ADAMTS2: variants seen among roughly 807,000 people sequenced by gnomAD.
ADAMTS2 encodes the protein A disintegrin and metalloproteinase with thrombospondin motifs 2.
In ADAMTS2, 50 loss-of-function variants were observed where a neutral mutation model predicts 123.0. That is an observed-to-expected ratio of 0.41 (90% confidence interval 0.32 to 0.51). The LOEUF (loss-of-function observed/expected upper bound fraction) is 0.51. ADAMTS2 is among the 20% of genes least tolerant of loss of function. The probability of loss-of-function intolerance (pLI) is 0.35; values close to 1 mark genes in which losing one functional copy is unlikely to be tolerated. For missense variants in ADAMTS2, 1,494 were observed against 1,705.2 expected (o/e 0.88, Z 2.18); for synonymous variants, 678 against 695.4 (o/e 0.98, Z 0.39).
At chr5:179,195,798 C>G (rs549352288) in intron 4 of ADAMTS2, among the ~76,000 whole-genome samples, 1 of 152,376 alleles carries the variant, frequency 6.6e-6, no homozygotes, top group South Asian at 2.1e-4. Context: ...GCCAGCGGGA[C>G]AAGCGTGAGG....
In ADAMTS2 at chr5:179,135,892, G is replaced by A. The variant is rs200253382; in HGVS notation, c.2085+17C>T. ...ACTTGACACGGTAGCCCCCCGTGCC[G>A]GCCTCTGTGTACTCACCCTGCAGTC... On this transcript the variant is annotated intron_variant, in intron 13 of 21. Coordinates refer to ENST00000251582, the MANE Select transcript of ADAMTS2 (RefSeq NM_014244.5). 4.9e-5 allele frequency: 79 copies of A among 1,612,750 alleles called. No individual in the cohort carries two copies. In the East Asian group the frequency reaches 1.0e-3, roughly 21 times the overall value.
At position 179,181,012 on chromosome 5, in the gene ADAMTS2, C is replaced by T. The variant is rs1042810167; in HGVS notation, c.975+60G>A. Reference sequence around the variant, plus strand: ...ACTCTCCAAGGAGGCCCATGCCTCACTCCCAGGCCCCTCACTCCGAGGGGG... The same window carrying T: ...ACTCTCCAAGGAGGCCCATGCCTCATTCCCAGGCCCCTCACTCCGAGGGGG... On this transcript the variant is annotated intron_variant, in intron 5 of 21. Coordinates refer to ENST00000251582, the MANE Select transcript of ADAMTS2 (RefSeq NM_014244.5). The surrounding 1 kb of genome is among the most constrained non-coding windows in gnomAD (Gnocchi z 4.1). 1.0e-5 allele frequency: 14 copies of T among 1,371,538 alleles called. No homozygotes were observed. The South Asian group carries it at 1.5e-4, about 15-fold the overall frequency. The allele number at this position is 1,371,538 out of a possible 1,614,324, so 85.0% of individuals were successfully genotyped here.
chr5:179,276,735 G>T (rs540955974), intron 2 of ADAMTS2, among the ~76,000 whole-genome samples: 10 of 152,232 alleles, frequency 6.6e-5, no homozygotes, highest in Non-Finnish European at 1.2e-4. Flanking sequence ...ACAGGTCCCT[G>T]GGCCAGACTG....
chr5:179,204,474 T>C (rs111792146), intron 4 of ADAMTS2, among the ~76,000 whole-genome samples: 2 of 152,338 alleles, frequency 1.3e-5, no homozygotes, highest in South Asian at 2.1e-4. Flanking sequence ...CCCCGGTGGC[T>C]ACTGCCCCAG....
chr5:179,268,687 AAGAG>A (rs1398455200), intron 3 of ADAMTS2, among the ~76,000 whole-genome samples: 2 of 152,136 alleles, frequency 1.3e-5, no homozygotes, highest in African/African-American at 4.8e-5. Flanking sequence ...ACATGCAGGG[AAGAG>A]CTCCCACACG....
At chr5:179,223,455 C>A (rs536575528) in intron 3 of ADAMTS2, among the ~76,000 whole-genome samples, 1 of 148,548 alleles carries the variant, frequency 6.7e-6, no homozygotes, top group East Asian at 1.9e-4. Context: ...CACACGCACA[C>A]TCACACACGA....
intron 2 of ADAMTS2, among the ~76,000 whole-genome samples, chr5:179,313,252 G>C (rs1756880851): frequency 7.9e-6 from 1 of 126,684 alleles, no homozygotes; most frequent in African/African-American, 3.0e-5. Flanking sequence ...GGCCAGAGCA[G>C]GGGTGTCAGC....
At chr5:179,291,865 T>C (rs1381325686) in intron 2 of ADAMTS2, among the ~76,000 whole-genome samples, 1 of 150,460 alleles carries the variant, frequency 6.6e-6, no homozygotes, top group Non-Finnish European at 1.5e-5. Flanking sequence ...GCCTCCCAAG[T>C]AGCTGGGACC....
At chr5:179,218,712 G>T (rs995003863) in intron 3 of ADAMTS2, among the ~76,000 whole-genome samples, 1 of 152,218 alleles carries the variant, frequency 6.6e-6, no homozygotes, top group African/African-American at 2.4e-5. Flanking sequence ...GAATCTCAGG[G>T]GCAGTCCTGA....
chr5:179,140,981 T>A (rs1304157372), intron 10 of ADAMTS2, among the ~76,000 whole-genome samples: 1 of 151,592 alleles, frequency 6.6e-6, no homozygotes, highest in Non-Finnish European at 1.5e-5. Context: ...TGCATTTTTT[T>A]TTTTTTTATT....
rs1757039450 is a variant in ADAMTS2 at position 179,317,634 on chromosome 5, G to A, written c.534+26133C>T. On this transcript the variant is annotated intron_variant, in intron 2 of 21. Coordinates refer to ENST00000251582, the MANE Select transcript of ADAMTS2 (RefSeq NM_014244.5). This position sits in a 1 kb window ranked among gnomAD's most constrained non-coding sequence, Gnocchi z 4.9. The stretch of plus-strand genomic sequence containing the variant: ...ATCTATGTCCCCCGGATGGCCAGCG[G>A]GCACAGAGCATATGTGTGCTGAGGG... 6.6e-6 allele frequency among the ~76,000 whole-genome samples: 1 copy of A among 152,150 alleles called. No individual in the cohort carries two copies. The highest frequency in any genetic ancestry group is 2.4e-5 in the African/African-American group (1 of 41,440).
rs191798215 is a variant in ADAMTS2, at chr5:179,162,858, G to A, written c.976-3979C>T. 5.3e-5 allele frequency among the ~76,000 whole-genome samples: 8 copies of A among 152,344 alleles called. No homozygotes were observed. Among genetic ancestry groups the A allele is most frequent in the Admixed American group, 3.3e-4 (5 of 15,304 alleles). On this transcript the variant is annotated intron_variant, in intron 5 of 21. Coordinates refer to ENST00000251582, the MANE Select transcript of ADAMTS2 (RefSeq NM_014244.5). This position sits in a 1 kb window ranked among gnomAD's most constrained non-coding sequence, Gnocchi z 5.1. ...TTGCAGCGAAGAGAATCTGAGCCAC[G>A]TGCTTCCTCCTTTGGGGGACCACAG...
At position 179,336,593 on chromosome 5, in the gene ADAMTS2, ATGGTG is replaced by A. The variant is rs1293429847; in HGVS notation, c.534+7169_534+7173del. The stretch of plus-strand genomic sequence containing the variant: ...CTCTTTCTTGGTGGCGTATAAAGTA[ATGGTG>A]TGTCCCGTAACCGATGGCACCTTAG... On this transcript the variant is annotated intron_variant, in intron 2 of 21. Coordinates refer to ENST00000251582, the MANE Select transcript of ADAMTS2 (RefSeq NM_014244.5). 3.9e-5 allele frequency among the ~76,000 whole-genome samples: 6 copies of A among 152,082 alleles called. No individual in the cohort carries two copies. In the South Asian group the frequency reaches 1.0e-3, roughly 26 times the overall value.
chr5:179,168,483 G>A (rs112048427), intron 5 of ADAMTS2, among the ~76,000 whole-genome samples: 4 of 152,184 alleles, frequency 2.6e-5, no homozygotes, highest in Admixed American at 6.5e-5. Context: ...TGATCACAGC[G>A]CCTACTCCAC....
chr5:179,227,909 G>A (rs183936053), intron 3 of ADAMTS2, among the ~76,000 whole-genome samples: 31 of 152,270 alleles, frequency 2.0e-4, no homozygotes, highest in African/African-American at 7.0e-4. Flanking sequence ...GGGAGGCAGC[G>A]TGTGGACAAA....
intron 5 of ADAMTS2, among the ~76,000 whole-genome samples, chr5:179,160,007 C>A (rs1763564379): frequency 6.6e-6 from 1 of 152,186 alleles, no homozygotes. Flanking sequence ...GAACCGAGAG[C>A]CCCTCTGAGT....
chr5:179,289,632 T>C (rs1247932241), intron 2 of ADAMTS2, among the ~76,000 whole-genome samples: 2 of 152,124 alleles, frequency 1.3e-5, no homozygotes, highest in Non-Finnish European at 2.9e-5. Context: ...AAGCCACTCA[T>C]CTGAGACCTG....
intron 10 of ADAMTS2, among the ~76,000 whole-genome samples, chr5:179,148,538 C>T (rs1763294069): frequency 6.6e-6 from 1 of 152,200 alleles, no homozygotes; most frequent in African/African-American, 2.4e-5. Context: ...CCTCACTCTC[C>T]CCACGGTGCT....
chr5:179,274,545 C>G (rs373361496), intron 2 of ADAMTS2, among the ~76,000 whole-genome samples: 10 of 152,266 alleles, frequency 6.6e-5, no homozygotes, highest in Non-Finnish European at 1.3e-4. Context: ...CACACCCCCC[C>G]CAAAGTAACC....
Sources: gnomAD v4.1 joint callset for allele counts (sites outside exome capture counted in the v4.1 genomes callset) on GRCh38, gnomAD v4.1.1 for gene constraint, Gnocchi (gnomAD v3.1) non-coding constraint, MANE v1.5 for transcripts, NCBI Gene and HGNC (gene_info 2026-07-23, HGNC 2026-07-21) for gene names.